Variants in ZNF292 observed in about 807,000 individuals in gnomAD.
ZNF292 encodes the protein zinc finger protein 292.
Under a neutral mutation model 217.9 loss-of-function variants are expected in ZNF292, and 26 were observed. The ratio of observed to expected loss-of-function variants is 0.12; its 90% CI spans 0.09 to 0.17. ZNF292 has a LOEUF of 0.17. ZNF292 is among the 10% of genes least tolerant of loss of function. The pLI is 1.00. For missense variants in ZNF292, 2,904 were observed against 3,175.2 expected (o/e 0.91, Z 2.05); for synonymous variants, 1,257 against 1,124.1 (o/e 1.12, Z -2.37).
rs556628446 is a variant in ZNF292 at position 87,234,867 on chromosome 6, AT to A, written c.741+1350del. Among the ~76,000 whole-genome samples the A allele has an allele frequency of 7.2e-3, 1,078 of 150,520 alleles. 18 individuals carry two copies. The highest frequency in any genetic ancestry group is 0.024 in the African/African-American group (977 of 41,042). The stretch of plus-strand genomic sequence containing the variant: ...TGAGGTTTGTAATGATGATTGTGTG[AT>A]TTTTTTTTTCCTTGAGAATAGACAA... On this transcript the variant is annotated intron_variant, in intron 5 of 7. Coordinates refer to ENST00000369577, the MANE Select transcript of ZNF292 (RefSeq NM_015021.3).
chr6:87,255,482 C>G lies in ZNF292; in HGVS notation c.1853C>G (p.Thr618Ser). ...RLGRPPKITT[T>S]NENQKTNTVA... ...GGAAGGCCTCCAAAGATCACAACTACCAATGAAAATCAGAAGACTAATACT... is the reference window on the plus strand; with the variant it reads ...GGAAGGCCTCCAAAGATCACAACTAGCAATGAAAATCAGAAGACTAATACT... The change falls in exon 8 of 8, where the codon ACC becomes AGC. Residue 618 changes from threonine (T) to serine (S), a missense_variant. Physicochemically the swap from Thr to Ser is moderately conservative, Grantham distance 58. This residue lies in a region of ZNF292 where 216 missense variants were observed against 308.3 expected (regional missense o/e 0.70). Transcript: ENST00000369577. The G allele has an allele frequency of 6.2e-7, 1 of 1,613,454 alleles. No individual in the cohort carries two copies. The highest frequency in any genetic ancestry group is 8.5e-7 in the Non-Finnish European group (1 of 1,179,752).
At position 87,255,515 on chromosome 6, in the gene ZNF292, A is replaced by T. The variant is rs779678349; in HGVS notation, c.1886A>T (p.Lys629Ile). Reference protein sequence around the residue: ...NENQKTNTVAKQEQRPIKKNS... With the variant: ...NENQKTNTVAIQEQRPIKKNS... ...AATCAGAAGACTAATACTGTGGCTA[A>T]ACAGGAGCAGCGACCTATAAAAAAG... The change falls in exon 8 of 8, where the codon AAA (lysine) becomes ATA (isoleucine). Residue 629 changes from lysine (K) to isoleucine (I), a missense_variant. This residue lies in a region of ZNF292 where 216 missense variants were observed against 308.3 expected (regional missense o/e 0.70). Coordinates refer to ENST00000369577, the MANE Select transcript of ZNF292 (RefSeq NM_015021.3). 9.3e-6 allele frequency: 15 copies of T among 1,613,300 alleles called. No homozygotes were observed. The highest frequency in any genetic ancestry group is 1.3e-5 in the Non-Finnish European group (15 of 1,179,624).
At chr6:87,226,270 ATACT>A (rs1773338534) in intron 4 of ZNF292, among the ~76,000 whole-genome samples, 1 of 152,114 alleles carries the variant, frequency 6.6e-6, no homozygotes, top group Non-Finnish European at 1.5e-5. Flanking sequence ...ATTTTCCATG[ATACT>A]TACAAATCAT....
Position 87,184,131 on chromosome 6 carries a change from C to A in ZNF292, c.168+28372C>A, listed in dbSNP as rs189391675. On this transcript the variant is annotated intron_variant, in intron 1 of 7. Coordinates refer to ENST00000369577, the MANE Select transcript of ZNF292 (RefSeq NM_015021.3). ...ATATAACGAATTAGAACTCTCTAAA[C>A]CTTTATACAATTTATACCTCCAAAA... 2.6e-5 allele frequency among the ~76,000 whole-genome samples: 4 copies of A among 152,284 alleles called. No homozygotes were observed. In the East Asian group the frequency reaches 7.7e-4, roughly 29 times the overall value.
intron 5 of ZNF292, among the ~76,000 whole-genome samples, chr6:87,238,502 T>C (rs531715052): frequency 6.7e-6 from 1 of 148,896 alleles, no homozygotes; most frequent in African/African-American, 2.5e-5. Flanking sequence ...AAAAAAAAAG[T>C]AAGCTAATGA....
In ZNF292 at chr6:87,258,014, C is replaced by T. The variant is rs757750690; in HGVS notation, c.4385C>T (p.Ser1462Leu). The T allele has an allele frequency of 5.9e-5, 96 of 1,613,748 alleles. No homozygotes were observed. The highest frequency in any genetic ancestry group is 1.1e-4 in the East Asian group (5 of 44,896). The change falls in exon 8 of 8, where the codon TCG becomes TTG. Residue 1462 changes from serine to leucine, a missense_variant. Ser to Leu is a moderately radical substitution (Grantham distance 145). Around this residue, in one of 15 missense-constraint regions of ZNF292, gnomAD observed 622 missense variants for 573.1 expected, o/e 1.09. Coordinates refer to ENST00000369577, the MANE Select transcript of ZNF292 (RefSeq NM_015021.3). ...SFLQLLAENR[S>L]PAFLPNTFPR... ...CTACAGCTTCTTGCTGAAAATCGCT[C>T]GCCAGCATTTTTACCAAATACATTT...
intron 1 of ZNF292, among the ~76,000 whole-genome samples, chr6:87,207,098 T>C (rs1413899084): frequency 2.0e-5 from 3 of 152,226 alleles, no homozygotes; most frequent in Admixed American, 6.5e-5. Context: ...ATCTTTGATT[T>C]GCGTGCGCAT....
At chr6:87,169,260 C>T (rs972461030) in intron 1 of ZNF292, among the ~76,000 whole-genome samples, 5 of 151,912 alleles carry the variant, frequency 3.3e-5, no homozygotes, top group Non-Finnish European at 5.9e-5. Flanking sequence ...AGGCTAGTCT[C>T]GAACTCCTGA....
chr6:87,161,534 T>C (rs1245970351), intron 1 of ZNF292, among the ~76,000 whole-genome samples: 1 of 152,214 alleles, frequency 6.6e-6, no homozygotes, highest in African/African-American at 2.4e-5. Flanking sequence ...GCGATCCTCT[T>C]GCCTCAGCCT....
At position 87,155,624 on chromosome 6, in the gene ZNF292, G is replaced by A. The variant is rs1450014400; in HGVS notation, c.33G>A (p.Leu11=). ...ACGAAGAGGCCGAGCAGGAGAGGTT[G>A]AGTTGCGGCGAAGGCGGCTGCGTCG... The part of the protein sequence containing the change: MADEEAEQER[L]SCGEGGCVAE... Residue 11 remains leucine (L), a synonymous_variant, in exon 1 of 8, where the codon TTG becomes TTA. Transcript: ENST00000369577. The A allele has an allele frequency of 1.3e-6, 2 of 1,583,478 alleles. No homozygotes were observed. Among genetic ancestry groups the A allele is most frequent in the Non-Finnish European group, 1.7e-6 (2 of 1,166,094 alleles).
In ZNF292 at chr6:87,256,114, G is replaced by C. The variant is rs761608303; in HGVS notation, c.2485G>C (p.Asp829His). The C allele has an allele frequency of 6.2e-7, 1 of 1,613,586 alleles. No homozygotes were observed. Among genetic ancestry groups the C allele is most frequent in the Non-Finnish European group, 8.5e-7 (1 of 1,179,764 alleles). ...TCAGGGTGAGCTGGAAAAGCATCTG[G>C]ATGATCACAGTACTCCTCCTGAAAA... ...RSQGELEKHL[D>H]DHSTPPEKVL... is the part of the protein sequence containing the mutation. Residue 829 changes from aspartate to histidine, a missense_variant, in exon 8 of 8, where the codon GAT becomes CAT. Physicochemically the swap from Asp to His is moderately conservative, Grantham distance 81. Coordinates refer to ENST00000369577, the MANE Select transcript of ZNF292 (RefSeq NM_015021.3).
intron 1 of ZNF292, among the ~76,000 whole-genome samples, chr6:87,157,809 T>C (rs1307734835): frequency 6.6e-6 from 1 of 152,156 alleles, no homozygotes; most frequent in Non-Finnish European, 1.5e-5. Flanking sequence ...CTGCCTCAGC[T>C]TCCCAAGTAA....
intron 4 of ZNF292, among the ~76,000 whole-genome samples, chr6:87,222,183 C>T (rs759481463): frequency 7.2e-5 from 11 of 152,116 alleles, no homozygotes; most frequent in Non-Finnish European, 1.2e-4. Context: ...AATTTCCTCT[C>T]GTTTTGCAGA....
chr6:87,192,706 TTAAA>T (rs1357092617), intron 1 of ZNF292, among the ~76,000 whole-genome samples: 1 of 152,174 alleles, frequency 6.6e-6, no homozygotes, highest in Non-Finnish European at 1.5e-5. Flanking sequence ...CATTTAATTA[TTAAA>T]TAAATAATGG....
chr6:87,197,198 A>G (rs6940325), intron 1 of ZNF292, among the ~76,000 whole-genome samples: 57,169 of 152,056 alleles, frequency 0.38, 11,215 homozygotes, highest in Admixed American at 0.52. Context: ...GACATGAGAA[A>G]ACAACCTTTT....
chr6:87,236,516 C>T (rs1190484927), intron 5 of ZNF292, among the ~76,000 whole-genome samples: 1 of 151,488 alleles, frequency 6.6e-6, no homozygotes, highest in Non-Finnish European at 1.5e-5. Context: ...GGTCTGGATT[C>T]TTGGTATAGT....
chr6:87,190,646 G>A (rs1189124116), intron 1 of ZNF292, among the ~76,000 whole-genome samples: 1 of 151,980 alleles, frequency 6.6e-6, no homozygotes, highest in Non-Finnish European at 1.5e-5. Flanking sequence ...GCTAATTTTT[G>A]TATTTTTAGT....
chr6:87,223,299 G>C (rs951534492), intron 4 of ZNF292: 3 of 152,854 alleles, frequency 2.0e-5, no homozygotes, highest in African/African-American at 7.2e-5. Context: ...TGGCCAAGCT[G>C]GTCTCGAGTC....
intron 1 of ZNF292, among the ~76,000 whole-genome samples, chr6:87,208,393 G>A (rs543800116): frequency 2.0e-5 from 3 of 151,426 alleles, no homozygotes; most frequent in African/African-American, 7.3e-5. Context: ...ATTTATTATG[G>A]GACCTCTAGC....
Sources: allele counts gnomAD v4.1 joint callset (sites outside exome capture counted in the v4.1 genomes callset), GRCh38; gene constraint gnomAD v4.1.1; regional missense constraint gnomAD v4.1.1; transcripts MANE v1.5; gene names NCBI Gene and HGNC (gene_info 2026-07-23, HGNC 2026-07-21).